ATP9A: variants seen among roughly 807,000 people sequenced by gnomAD.
ATP9A encodes the protein ATPase phospholipid transporting 9A.
Under a neutral mutation model 144.1 loss-of-function variants are expected in ATP9A, and 52 were observed. The ratio of observed to expected loss-of-function variants is 0.36; its 90% confidence interval spans 0.29 to 0.45. The LOEUF is 0.45. ATP9A is among the 20% of genes least tolerant of loss of function. The probability of loss-of-function intolerance (pLI) is 1.00; values close to 1 mark genes in which losing one functional copy is unlikely to be tolerated. For missense variants in ATP9A, 947 were observed against 1,392.7 expected (o/e 0.68, Z 5.09); for synonymous variants, 582 against 557.4 (o/e 1.04, Z -0.62).
At chr20:51,624,659 CAG>C (rs1251464769) in intron 18 of ATP9A, among the ~76,000 whole-genome samples, 1 of 152,052 alleles carries the variant, frequency 6.6e-6, no homozygotes, top group Non-Finnish European at 1.5e-5. Context: ...CCAGTGGAGT[CAG>C]GGGAGTCATC....
At chr20:51,644,971 G>T (rs1402831981) in intron 14 of ATP9A, among the ~76,000 whole-genome samples, 1 of 152,184 alleles carries the variant, frequency 6.6e-6, no homozygotes, top group Non-Finnish European at 1.5e-5. Flanking sequence ...GGCTTCCAGG[G>T]CTGGGCAGCA....
chr20:51,607,486 A>G lies in ATP9A; in HGVS notation c.2803+41T>C, dbSNP rs758906132. 7.2e-6 allele frequency: 11 copies of G among 1,538,146 alleles called. No homozygotes were observed. In the African/African-American group the frequency reaches 1.4e-4, roughly 19 times the overall value. On this transcript the variant is annotated intron_variant, in intron 26 of 27. Coordinates refer to ENST00000338821, the MANE Select transcript of ATP9A (RefSeq NM_006045.3). ...CAAGAAGGGGACACCCTGAGTCAGT[A>G]CCAGAGCACAAGACAAACAGGTGTC...
Position 51,638,069 on chromosome 20 carries a change from TTTTATA to T in ATP9A, c.1668+1268_1668+1273del, listed in dbSNP as rs1166672895. Among the ~76,000 whole-genome samples the T allele has an allele frequency of 3.9e-3, 285 of 73,106 alleles. 18 individuals carry two copies. Among genetic ancestry groups the T allele is most frequent in the Middle Eastern group, 0.012 (2 of 168 alleles). 48.0% of individuals were successfully genotyped at this position (73,106 alleles called of 152,430 possible). A position where few individuals can be genotyped will look rare whatever the true frequency, so the allele number is the denominator to read the frequency against. ...TCCATGGCTAAGTAGCATTTCATCA[TTTTATA>T]TATATATATATATATATATATATAT... On this transcript the variant is annotated intron_variant, in intron 15 of 27. Coordinates refer to ENST00000338821, the MANE Select transcript of ATP9A (RefSeq NM_006045.3).
At chr20:51,726,255 G>A (rs1213191123) in intron 2 of ATP9A, among the ~76,000 whole-genome samples, 1 of 136,254 alleles carries the variant, frequency 7.3e-6, no homozygotes, top group African/African-American at 2.7e-5. Flanking sequence ...GGAAGTTGCA[G>A]TGAGCCAAGA....
At chr20:51,620,976 G>A (rs955675530) in intron 19 of ATP9A, among the ~76,000 whole-genome samples, 4 of 151,874 alleles carry the variant, frequency 2.6e-5, no homozygotes, top group Non-Finnish European at 5.9e-5. Flanking sequence ...GGTGAAACCC[G>A]TCTCTACTAA....
chr20:51,676,288 T>C (rs961920753), intron 9 of ATP9A, 80 bp from the exon 10 acceptor site: 7 of 1,115,314 alleles, frequency 6.3e-6, no homozygotes, highest in Non-Finnish European at 8.9e-6. Flanking sequence ...AAGAGTCTGA[T>C]CCTCTTGAGA....
intron 1 of ATP9A, among the ~76,000 whole-genome samples, chr20:51,753,730 G>T (rs1252742851): frequency 6.8e-6 from 1 of 147,800 alleles, no homozygotes; most frequent in Non-Finnish European, 1.5e-5. Flanking sequence ...GCAGTGGCAC[G>T]ATCTCGACTC....
intron 1 of ATP9A, among the ~76,000 whole-genome samples, chr20:51,741,373 G>A (rs1253500964): frequency 2.0e-5 from 3 of 152,156 alleles, no homozygotes; most frequent in East Asian, 1.9e-4. Context: ...GAGGTCAGGG[G>A]ATCGAGACCA....
intron 3 of ATP9A, among the ~76,000 whole-genome samples, chr20:51,721,666 T>C (rs2122862658): frequency 6.6e-6 from 1 of 151,632 alleles, no homozygotes; most frequent in East Asian, 1.9e-4. Context: ...CCAGGCGTGG[T>C]GGCAGGCGCC....
intron 9 of ATP9A, among the ~76,000 whole-genome samples, chr20:51,685,042 A>C (rs1219688701): frequency 2.0e-5 from 3 of 149,964 alleles, no homozygotes; most frequent in Non-Finnish European, 3.0e-5. Flanking sequence ...AAAAAAAAAT[A>C]CAAATAAATA....
chr20:51,692,500 G>T (rs1250189890), intron 7 of ATP9A, among the ~76,000 whole-genome samples: 4 of 152,282 alleles, frequency 2.6e-5, no homozygotes, highest in African/African-American at 7.2e-5. Context: ...TGGAGGGGGA[G>T]CGTGGGGTCC....
At chr20:51,693,358 C>T (rs191423598) in intron 7 of ATP9A, among the ~76,000 whole-genome samples, 19 of 152,254 alleles carry the variant, frequency 1.2e-4, no homozygotes, top group Admixed American at 1.1e-3. Context: ...CATCCAGGGA[C>T]AGAATGACAG....
At chr20:51,745,501 G>T (rs1159386295) in intron 1 of ATP9A, among the ~76,000 whole-genome samples, 4 of 152,126 alleles carry the variant, frequency 2.6e-5, no homozygotes, top group African/African-American at 9.7e-5. Context: ...GCAGGGCGGG[G>T]GGATTTTGCC....
intron 22 of ATP9A, among the ~76,000 whole-genome samples, chr20:51,615,601 C>A (rs2077200237): frequency 6.6e-6 from 1 of 152,062 alleles, no homozygotes; most frequent in Non-Finnish European, 1.5e-5. Flanking sequence ...GATGCAGTTA[C>A]CTAAAAGAAA....
At chr20:51,701,124 T>C (rs567294018) in intron 4 of ATP9A, among the ~76,000 whole-genome samples, 1 of 152,356 alleles carries the variant, frequency 6.6e-6, no homozygotes, top group South Asian at 2.1e-4. Flanking sequence ...CTAAAATTTA[T>C]GCTGCTGACC....
At chr20:51,635,857 G>GA (rs1260788292) in intron 15 of ATP9A, among the ~76,000 whole-genome samples, 8 of 35,614 alleles carry the variant, frequency 2.2e-4, no homozygotes, top group South Asian at 9.7e-4. Context: ...AGGAAGGAAG[G>GA]AGGAAGGGAG....
intron 3 of ATP9A, among the ~76,000 whole-genome samples, chr20:51,722,766 T>C (rs2077695155): frequency 6.6e-6 from 1 of 152,180 alleles, no homozygotes; most frequent in African/African-American, 2.4e-5. Context: ...ACAACCACTA[T>C]GGAAAACAGT....
intron 2 of ATP9A, among the ~76,000 whole-genome samples, chr20:51,726,289 G>A (rs370071799): frequency 5.9e-4 from 81 of 137,980 alleles, no homozygotes; most frequent in African/African-American, 2.1e-3. Context: ...CTCCAACCTG[G>A]GCAACAAGAG....
At chr20:51,700,699 A>G (rs1205692) in intron 4 of ATP9A, among the ~76,000 whole-genome samples, 92,206 of 151,936 alleles carry the variant, frequency 0.61, 28,232 homozygotes, top group Middle Eastern at 0.64. Flanking sequence ...ATGTGGTGGC[A>G]CACGCCTGTA....
Sources: gnomAD v4.1 joint callset for allele counts (sites outside exome capture counted in the v4.1 genomes callset) on GRCh38, gnomAD v4.1.1 for gene constraint, MANE v1.5 for transcripts, NCBI Gene and HGNC (gene_info 2026-07-23, HGNC 2026-07-21) for gene names.